GIN1: variants seen among roughly 807,000 people sequenced by gnomAD.
The protein encoded by GIN1 is gypsy retrotransposon integrase 1, also known as gypsy retrotransposon integrase-like protein 1.
Under a neutral mutation model 51.4 loss-of-function variants are expected in GIN1, and 41 were observed. The observed-to-expected ratio is 0.80, with a 90% CI of 0.62 to 1.04. The LOEUF is 1.04. Ranked by LOEUF, GIN1 falls within the 50% of genes least tolerant of loss-of-function variation. The pLI, the probability that GIN1 is intolerant of heterozygous loss-of-function variation, is 0.00. For missense variants in GIN1, 610 were observed against 612.4 expected (o/e 1.00, Z 0.04); for synonymous variants, 222 against 206.5 (o/e 1.07, Z -0.64).
At chr5:103,110,893 G>T (rs1787863719) in intron 1 of GIN1, among the ~76,000 whole-genome samples, 1 of 152,144 alleles carries the variant, frequency 6.6e-6, no homozygotes, top group Admixed American at 6.6e-5. Context: ...TTGTTACCAA[G>T]TTTCATGTCG....
Position 103,097,404 on chromosome 5 carries a change from A to G in GIN1, c.918T>C (p.Asp306=), listed in dbSNP as rs782119647. The stretch of plus-strand genomic sequence containing the variant: ...TGGCAAACATACTTGTATTATCACC[A>G]TCCACTTCATGAAGACTATCTGAAG... The part of the protein sequence containing the change: ...PETSDSLHEV[D]GDNTSMFAKI... Residue 306 remains aspartate (D), a synonymous_variant, in exon 6 of 8, where the codon GAT becomes GAC. Coordinates refer to ENST00000399004, the MANE Select transcript of GIN1 (RefSeq NM_017676.2). 6.4e-7 allele frequency: 1 copy of G among 1,567,200 alleles called. No individual in the cohort carries two copies. Among genetic ancestry groups the G allele is most frequent in the South Asian group, 1.1e-5 (1 of 89,850 alleles).
chr5:103,117,728 T>C (rs563226051), intron 1 of GIN1, among the ~76,000 whole-genome samples: 1 of 152,230 alleles, frequency 6.6e-6, no homozygotes, highest in African/African-American at 2.4e-5. Context: ...TTATGCAGTA[T>C]TTTACTATGA....
At chr5:103,097,262 A>C in intron 6 of GIN1, 52 bp downstream of exon 6, 12 of 1,098,284 alleles carry the variant, frequency 1.1e-5, no homozygotes, top group Non-Finnish European at 1.6e-5. Flanking sequence ...TTAAAAATAA[A>C]TATAACTTTT....
intron 1 of GIN1, among the ~76,000 whole-genome samples, chr5:103,113,224 C>T (rs529866277): frequency 1.3e-4 from 20 of 152,284 alleles, no homozygotes; most frequent in African/African-American, 4.8e-4. Context: ...ACATCTTTTG[C>T]CATTCCTGAT....
Position 103,097,777 on chromosome 5 carries a change from T to C in GIN1, c.644A>G (p.Asn215Ser), listed in dbSNP as rs1787450246. ...DQRDEFIQQI[N>S]IELYRLFGIK... ...GCCAAACAATCTGTACAGTTCAATA[T>C]TGATCTGAAAAATATATAAAACAAA... Residue 215 changes from asparagine to serine, a missense_variant, in exon 5 of 8, where the codon AAT becomes AGT. By Grantham distance (46) the Asn-to-Ser change is conservative. Transcript: ENST00000399004. 2.1e-6 allele frequency: 3 copies of C among 1,409,910 alleles called. No individual in the cohort carries two copies. Among genetic ancestry groups the C allele is most frequent in the Non-Finnish European group, 3.0e-6 (3 of 1,014,430 alleles). The allele number at this position is 1,409,910 out of a possible 1,614,324, so 87.3% of individuals were successfully genotyped here.
chr5:103,088,267 A>C lies in GIN1; in HGVS notation c.1295-95T>G, dbSNP rs549395195. The C allele has an allele frequency of 3.0e-4, 195 of 653,194 alleles. No homozygotes were observed. The East Asian group carries it at 5.6e-3, about 19-fold the overall frequency. 40.5% of individuals were successfully genotyped at this position (653,194 alleles called of 1,614,324 possible). ...TTAAGTGAGGAACAAAATCCCAAGT[A>C]ATAAAAATTAACTATCAAGATTAAC... On this transcript the variant is annotated intron_variant, in intron 7 of 7. Coordinates refer to ENST00000399004, the MANE Select transcript of GIN1 (RefSeq NM_017676.2).
At position 103,086,036 on chromosome 5, in the gene GIN1, T is replaced by C. The variant is rs1787067074; in HGVS notation, c.*1862A>G. On this transcript the variant is annotated 3_prime_UTR_variant, in exon 8 of 8. Coordinates refer to ENST00000399004, the MANE Select transcript of GIN1 (RefSeq NM_017676.2). ...ATAGAATTTTATTGTCTCACAGTTC[T>C]GGAGGCAAAAGTCTGAGATAAGGTA... 6.6e-6 allele frequency: 1 copy of C among 152,112 alleles called. No homozygotes were observed. Among genetic ancestry groups the C allele is most frequent in the African/African-American group, 2.4e-5 (1 of 41,334 alleles). The allele number at this position is 152,112 out of a possible 1,614,324, so 9.4% of individuals were successfully genotyped here. A position where few individuals can be genotyped will look rare whatever the true frequency, so the allele number is the denominator to read the frequency against.
chr5:103,094,665 T>C (rs1554194838), intron 7 of GIN1, among the ~76,000 whole-genome samples: 1 of 152,228 alleles, frequency 6.6e-6, no homozygotes, highest in East Asian at 1.9e-4. Flanking sequence ...AAATTTTGTA[T>C]TAAAGAAGCT....
At position 103,097,258 on chromosome 5, in the gene GIN1, AT is replaced by A. The variant is rs1435639530; in HGVS notation, c.1008+55del. ...ACATGTATATGCTGAAATTTTAAAA[AT>A]AAATATAACTTTTATAAAGTTTTAG... On this transcript the variant is annotated intron_variant, in intron 6 of 7. Transcript: ENST00000399004. 3 of 1,082,212 alleles carry A rather than the reference AT, an allele frequency of 2.8e-6. No homozygotes were observed. In the African/African-American group the frequency reaches 4.9e-5, roughly 17 times the overall value. The allele number at this position is 1,082,212 out of a possible 1,614,324, so 67.0% of individuals were successfully genotyped here.
chr5:103,117,423 C>T (rs1302069508), intron 1 of GIN1, among the ~76,000 whole-genome samples: 1 of 151,966 alleles, frequency 6.6e-6, no homozygotes, highest in Non-Finnish European at 1.5e-5. Flanking sequence ...ATGTTTTGGT[C>T]AAGGATGGAC....
At chr5:103,104,078 C>T (rs1472431288) in intron 4 of GIN1, among the ~76,000 whole-genome samples, 3 of 152,060 alleles carry the variant, frequency 2.0e-5, no homozygotes, top group Non-Finnish European at 4.4e-5. Flanking sequence ...CACAGCCTCC[C>T]GAGTAGCTGT....
rs1787442583 is a variant in GIN1, at chr5:103,097,610, C to T, written c.811G>A (p.Ala271Thr). 6.8e-6 allele frequency: 11 copies of T among 1,607,722 alleles called. No homozygotes were observed. The highest frequency in any genetic ancestry group is 8.5e-6 in the Non-Finnish European group (10 of 1,174,736). Residue 271 changes from alanine to threonine, a missense_variant, in exon 5 of 8, where the codon GCC (alanine) becomes ACC (threonine). Coordinates refer to ENST00000399004, the MANE Select transcript of GIN1 (RefSeq NM_017676.2). Reference sequence around the variant, plus strand: ...CATACCAAGTGAGTTACATTGAAGGCAAATGAAACAGCTGATAGGTGATCA... The same window carrying T: ...CATACCAAGTGAGTTACATTGAAGGTAAATGAAACAGCTGATAGGTGATCA... ...WDDHLSAVSF[A>T]FNVTHLEPTK...
intron 4 of GIN1, among the ~76,000 whole-genome samples, chr5:103,099,743 C>T (rs996855612): frequency 6.6e-6 from 1 of 152,138 alleles, no homozygotes; most frequent in Non-Finnish European, 1.5e-5. Context: ...AATTAATTTT[C>T]CTACTGAATA....
At chr5:103,090,879 A>G (rs1473840738) in intron 7 of GIN1, among the ~76,000 whole-genome samples, 1 of 150,930 alleles carries the variant, frequency 6.6e-6, no homozygotes, top group Non-Finnish European at 1.5e-5. Context: ...TTCTGTATGT[A>G]AGTAAAATAA....
intron 7 of GIN1, among the ~76,000 whole-genome samples, chr5:103,091,981 C>T (rs1554194594): frequency 6.6e-6 from 1 of 151,500 alleles, no homozygotes. Context: ...GCCAAGATCA[C>T]ACCATTGCAC....
intron 6 of GIN1, 75 bp downstream of exon 6, chr5:103,097,239 A>G: frequency 1.2e-6 from 1 of 848,868 alleles, no homozygotes; most frequent in South Asian, 1.6e-5. Context: ...GCACACATGT[A>G]TATGCTGAAA....
chr5:103,118,643 C>T (rs1192290233), intron 1 of GIN1, among the ~76,000 whole-genome samples: 6 of 151,696 alleles, frequency 4.0e-5, no homozygotes, highest in African/African-American at 1.2e-4. Context: ...ATAGAAAATG[C>T]GTAAGAAAGA....
At chr5:103,111,267 CT>C (rs1554196899) in intron 1 of GIN1, among the ~76,000 whole-genome samples, 1 of 152,010 alleles carries the variant, frequency 6.6e-6, no homozygotes, top group East Asian at 1.9e-4. Flanking sequence ...TCTTTCAAGT[CT>C]AAGGGACAGA....
In GIN1 at chr5:103,104,809, G is replaced by GT. The variant is rs1390491108; in HGVS notation, c.370dup (p.Thr124AsnfsTer23). On this transcript the variant is annotated frameshift_variant, in exon 4 of 8. Transcript: ENST00000399004. LOFTEE classifies it high-confidence loss of function. ...GTGCTGTTTCGGTGCTACAATAACT[G>GT]TATTTTTTGCCACTTGGCAATGCTG... 1.2e-6 allele frequency: 2 copies of GT among 1,608,342 alleles called. No individual in the cohort carries two copies. The highest frequency in any genetic ancestry group is 2.7e-5 in the African/African-American group (2 of 74,744).
Sources: gnomAD v4.1 joint callset for allele counts (sites outside exome capture counted in the v4.1 genomes callset) on GRCh38, gnomAD v4.1.1 for gene constraint, MANE v1.5 for transcripts, NCBI Gene and HGNC (gene_info 2026-07-23, HGNC 2026-07-21) for gene names.